CCDC170: variants seen among roughly 807,000 people sequenced by gnomAD.
The protein encoded by CCDC170 is coiled-coil domain-containing protein 170.
CCDC170 carries 69 observed loss-of-function variants against 72.6 expected under a neutral mutation model. The observed-to-expected ratio is 0.95, with a 90% confidence interval of 0.78 to 1.16. CCDC170 has a LOEUF of 1.16. Ranked by LOEUF, CCDC170 falls within the 50% of genes most tolerant of loss-of-function variation. The pLI, the probability that CCDC170 is intolerant of heterozygous loss-of-function variation, is 0.00. For synonymous variants in CCDC170, 300 were observed against 303.9 expected (o/e 0.99, Z 0.13); for missense variants, 852 against 832.5 (o/e 1.02, Z -0.29).
chr6:151,536,284 C>T (rs1181792613), intron 1 of CCDC170, 34 bp from the exon 2 acceptor site: 6 of 1,610,486 alleles, frequency 3.7e-6, no homozygotes, highest in African/African-American at 2.7e-5. Context: ...TAACACTCTT[C>T]TTTATATTTT....
intron 9 of CCDC170, among the ~76,000 whole-genome samples, chr6:151,605,109 T>A (rs1776764554): frequency 6.6e-6 from 1 of 152,218 alleles, no homozygotes; most frequent in Non-Finnish European, 1.5e-5. Flanking sequence ...TGCACTCAAC[T>A]TTTTTAGCTT....
chr6:151,587,650 G>A (rs1319729767), intron 7 of CCDC170, among the ~76,000 whole-genome samples: 5 of 152,216 alleles, frequency 3.3e-5, no homozygotes. Flanking sequence ...ATGCAAAGAT[G>A]TGCCAAAGGT....
rs1782813425 is a variant in CCDC170, at chr6:151,548,414, G to A, written c.699G>A (p.Met233Ile). Reference sequence around the variant, plus strand: ...CAAAAGCTAGCAGAGAAACGATCATGAGGCTGGCTTCAGAAGTCAACAGAG... The same window carrying A: ...CAAAAGCTAGCAGAGAAACGATCATAAGGCTGGCTTCAGAAGTCAACAGAG... ...MEAKASRETI[M>I]RLASEVNREQ... The change falls in exon 5 of 11, where the codon ATG becomes ATA. Residue 233 changes from methionine to isoleucine, a missense_variant. Coordinates refer to ENST00000239374, the MANE Select transcript of CCDC170 (RefSeq NM_025059.4). The A allele has an allele frequency of 6.2e-7, 1 of 1,613,038 alleles. No homozygotes were observed. Among genetic ancestry groups the A allele is most frequent in the Non-Finnish European group, 8.5e-7 (1 of 1,179,388 alleles).
chr6:151,547,726 G>T (rs2115057939), intron 4 of CCDC170, among the ~76,000 whole-genome samples: 1 of 152,262 alleles, frequency 6.6e-6, no homozygotes, highest in East Asian at 1.9e-4. Context: ...GAGCCTGCTG[G>T]CTTTTATTTT....
chr6:151,572,214 C>T (rs988715806), intron 5 of CCDC170, among the ~76,000 whole-genome samples: 17 of 152,154 alleles, frequency 1.1e-4, no homozygotes, highest in African/African-American at 4.1e-4. Flanking sequence ...TTTTAATCCT[C>T]CCACCTACCA....
intron 5 of CCDC170, among the ~76,000 whole-genome samples, chr6:151,557,761 T>A (rs1783006836): frequency 6.6e-6 from 1 of 152,234 alleles, no homozygotes. Context: ...TGGGGTTAGA[T>A]GATACCTCAT....
At chr6:151,537,306 G>T (rs1173949176) in intron 2 of CCDC170, among the ~76,000 whole-genome samples, 1 of 152,208 alleles carries the variant, frequency 6.6e-6, no homozygotes, top group African/African-American at 2.4e-5. Flanking sequence ...CACTAAGGCT[G>T]CCAGGACCCC....
At chr6:151,555,104 G>A (rs565563552) in intron 5 of CCDC170, among the ~76,000 whole-genome samples, 10 of 151,786 alleles carry the variant, frequency 6.6e-5, no homozygotes, top group Non-Finnish European at 1.0e-4. Flanking sequence ...GGCTGGTCTC[G>A]AACTCCTGAC....
At chr6:151,617,824 A>G in intron 10 of CCDC170, 123 bp from the exon 11 acceptor site, 1 of 771,920 alleles carries the variant, frequency 1.3e-6, no homozygotes, top group South Asian at 1.8e-5. Flanking sequence ...GGAAGAGAGT[A>G]GATAATTTCC....
chr6:151,598,368 G>C (rs1298534394), intron 9 of CCDC170, among the ~76,000 whole-genome samples: 1 of 152,180 alleles, frequency 6.6e-6, no homozygotes, highest in Non-Finnish European at 1.5e-5. Flanking sequence ...ATTTTCACTA[G>C]TGAGGGATAT....
In CCDC170 at chr6:151,593,093, G is replaced by A. The variant is rs774535138; in HGVS notation, c.1294-14G>A. ...ACTTTCATGTCCCATTTTTGTTTCT[G>A]TTCTTGGGTTTAGTATCTTAAATTT... is the stretch of plus-strand genomic sequence containing the variant. On this transcript the variant is annotated splice_polypyrimidine_tract_variant and intron_variant, in intron 7 of 10. Transcript: ENST00000239374. 1 of 1,613,394 alleles carries A rather than the reference G, an allele frequency of 6.2e-7. No individual in the cohort carries two copies. The highest frequency in any genetic ancestry group is 1.3e-5 in the African/African-American group (1 of 74,850).
intron 10 of CCDC170, among the ~76,000 whole-genome samples, chr6:151,616,757 T>C (rs1420443122): frequency 2.0e-5 from 3 of 152,176 alleles, no homozygotes; most frequent in Admixed American, 6.5e-5. Flanking sequence ...TCAAAGTGTC[T>C]GGTGAGCACA....
intron 6 of CCDC170, among the ~76,000 whole-genome samples, chr6:151,576,922 C>T (rs955545464): frequency 6.6e-6 from 1 of 152,090 alleles, no homozygotes; most frequent in Non-Finnish European, 1.5e-5. Context: ...GCAGATTCTC[C>T]GCTTCAGGCC....
At chr6:151,571,016 T>G (rs4869738) in intron 5 of CCDC170, among the ~76,000 whole-genome samples, 124,474 of 151,884 alleles carry the variant, frequency 0.82, 51,335 homozygotes, top group East Asian at 0.93. Context: ...ATCTACTCTG[T>G]GACTTTTCTT....
intron 9 of CCDC170, among the ~76,000 whole-genome samples, chr6:151,608,394 C>T (rs1376525174): frequency 6.6e-6 from 1 of 152,010 alleles, no homozygotes; most frequent in Non-Finnish European, 1.5e-5. Flanking sequence ...GTCTTGTGTC[C>T]CTACATTTGT....
At chr6:151,517,635 G>T (rs1231373923) in intron 1 of CCDC170, among the ~76,000 whole-genome samples, 1 of 151,634 alleles carries the variant, frequency 6.6e-6, no homozygotes, top group African/African-American at 2.4e-5. Context: ...GTAGAGACGG[G>T]GTTTCACCAT....
At chr6:151,550,962 C>T (rs1174188126) in intron 5 of CCDC170, among the ~76,000 whole-genome samples, 1 of 152,134 alleles carries the variant, frequency 6.6e-6, no homozygotes, top group Non-Finnish European at 1.5e-5. Flanking sequence ...AGATACAAAT[C>T]AGTCCATAGT....
At chr6:151,584,232 G>A (rs1210197817) in intron 6 of CCDC170, among the ~76,000 whole-genome samples, 2 of 152,152 alleles carry the variant, frequency 1.3e-5, no homozygotes, top group East Asian at 1.9e-4. Context: ...GGCCATCTTC[G>A]GTGACTGGGA....
intron 1 of CCDC170, among the ~76,000 whole-genome samples, chr6:151,505,515 G>T (rs920310067): frequency 1.3e-5 from 2 of 151,728 alleles, no homozygotes; most frequent in East Asian, 3.9e-4. Context: ...AACCCTGTCT[G>T]TACTAAAAAT....
Sources: gnomAD v4.1 joint callset for allele counts (sites outside exome capture counted in the v4.1 genomes callset) on GRCh38, gnomAD v4.1.1 for gene constraint, MANE v1.5 for transcripts, NCBI Gene and HGNC (gene_info 2026-07-23, HGNC 2026-07-21) for gene names.